The following DNAH5 variants were observed in gnomAD, a reference collection of about 807,000 sequenced individuals.
DNAH5 encodes the protein dynein axonemal heavy chain 5.
Under a neutral mutation model 518.2 loss-of-function variants are expected in DNAH5, and 372 were observed. The ratio of observed to expected loss-of-function variants is 0.72; its 90% CI spans 0.66 to 0.78. The LOEUF (loss-of-function observed/expected upper bound fraction) is 0.78, where lower values mean the gene tolerates loss of function less well. Ranked by LOEUF, DNAH5 falls within the 30% of genes least tolerant of loss-of-function variation. The pLI is 0.00. For missense variants in DNAH5, 5,523 were observed against 5,687.0 expected (o/e 0.97, Z 0.93); for synonymous variants, 2,039 against 2,025.9 (o/e 1.01, Z -0.17).
intron 1 of DNAH5, among the ~76,000 whole-genome samples, chr5:13,972,663 T>C (rs938202415): frequency 6.6e-6 from 1 of 152,134 alleles, no homozygotes; most frequent in Non-Finnish European, 1.5e-5. Context: ...CTCTCACACT[T>C]TGGGCACTCG....
chr5:13,998,370 G>A (rs399566), intron 1 of DNAH5, among the ~76,000 whole-genome samples: 12 of 152,234 alleles, frequency 7.9e-5, no homozygotes, highest in Middle Eastern at 3.4e-3. Flanking sequence ...AAGGCCCCAC[G>A]TCTTAATACT....
intron 49 of DNAH5, 145 bp from the exon 50 acceptor site, chr5:13,792,362 C>T: frequency 1.5e-6 from 1 of 675,172 alleles, no homozygotes; most frequent in Non-Finnish European, 2.5e-6. Flanking sequence ...TGTTAATGTT[C>T]TCTTGTTTTT....
At position 13,928,189 on chromosome 5, in the gene DNAH5, GA is replaced by G. The variant is rs1778077250; in HGVS notation, c.193-12del. 1 of 1,602,650 alleles carries G rather than the reference GA, an allele frequency of 6.2e-7. No homozygotes were observed. The highest frequency in any genetic ancestry group is 8.5e-7 in the Non-Finnish European group (1 of 1,170,194). ...ATCAATTCTTTCAATCTGGGAAAAA[GA>G]AAAAGGCAAGATAATGATTTTCAAT... On this transcript the variant is annotated splice_polypyrimidine_tract_variant and intron_variant, in intron 2 of 78. Coordinates refer to ENST00000265104, the MANE Select transcript of DNAH5 (RefSeq NM_001369.3).
chr5:13,729,899 T>A (rs1746251891), intron 68 of DNAH5, among the ~76,000 whole-genome samples: 1 of 152,222 alleles, frequency 6.6e-6, no homozygotes, highest in Non-Finnish European at 1.5e-5. Flanking sequence ...TGTCACAATG[T>A]ATGCGTGTAA....
At position 13,769,538 on chromosome 5, in the gene DNAH5, TC is replaced by T. The variant is rs748168087; in HGVS notation, c.9682del (p.Glu3228LysfsTer15). ...AALSKELEAK[E>X]KELQVANDKA... is the part of the protein sequence containing the mutation. Reference sequence around the variant, plus strand: ...ATCGTTGGCCACTTGTAGCTCCTTTTCTTTCGCTTCCAGTTCTTTACTCAAG... The same window carrying T: ...ATCGTTGGCCACTTGTAGCTCCTTTTTTTCGCTTCCAGTTCTTTACTCAAG... On this transcript the variant is annotated frameshift_variant, in exon 57 of 79. Coordinates refer to ENST00000265104, the MANE Select transcript of DNAH5 (RefSeq NM_001369.3). LOFTEE classifies it high-confidence loss of function. The T allele has an allele frequency of 3.1e-6, 5 of 1,613,998 alleles. No homozygotes were observed. Among genetic ancestry groups the T allele is most frequent in the Non-Finnish European group, 4.2e-6 (5 of 1,179,962 alleles).
At chr5:13,742,637 T>A (rs937400205) in intron 65 of DNAH5, among the ~76,000 whole-genome samples, 1 of 152,024 alleles carries the variant, frequency 6.6e-6, no homozygotes, top group African/African-American at 2.4e-5. Context: ...AAAGCAAAAA[T>A]AGTAACTAAA....
chr5:13,834,327 G>A (rs1464647214), intron 35 of DNAH5, among the ~76,000 whole-genome samples: 1 of 152,132 alleles, frequency 6.6e-6, no homozygotes, highest in Non-Finnish European at 1.5e-5. Flanking sequence ...ACTGAAAAAG[G>A]ATTTTAATGT....
Position 13,824,220 on chromosome 5 carries a change from C to G in DNAH5, c.6558G>C (p.Arg2186=). ...TTACCAGTTTAGAAAGATTCATGTC[C>G]CGTAGTACACGCATGACAATCGTGG... ...TESTIVMRVL[R]DMNLSKLIDE... is the part of the protein sequence containing the mutation. Residue 2186 remains arginine, a synonymous_variant, in exon 39 of 79, where the codon CGG becomes CGC. Coordinates refer to ENST00000265104, the MANE Select transcript of DNAH5 (RefSeq NM_001369.3). The G allele has an allele frequency of 6.2e-7, 1 of 1,613,992 alleles. No homozygotes were observed. Among genetic ancestry groups the G allele is most frequent in the Non-Finnish European group, 8.5e-7 (1 of 1,179,964 alleles).
intron 59 of DNAH5, among the ~76,000 whole-genome samples, chr5:13,764,971 C>T (rs1285227599): frequency 6.6e-6 from 1 of 152,256 alleles, no homozygotes; most frequent in Non-Finnish European, 1.5e-5. Flanking sequence ...AATGATATCT[C>T]AAACAAAGAT....
intron 1 of DNAH5, among the ~76,000 whole-genome samples, chr5:13,949,788 G>T (rs1439748570): frequency 1.3e-5 from 2 of 152,228 alleles, no homozygotes; most frequent in Non-Finnish European, 2.9e-5. Context: ...GACTGTCTAA[G>T]AAGTATCTCT....
At position 13,770,992 on chromosome 5, in the gene DNAH5, A is replaced by G. The variant is rs1355880312; in HGVS notation, c.9374-12T>C. ...GAAGTGTTCAGACACTAGAGAGAATAAAGATGACAGTGTGTGAAATATGTA... is the reference window on the plus strand; with the variant it reads ...GAAGTGTTCAGACACTAGAGAGAATGAAGATGACAGTGTGTGAAATATGTA... On this transcript the variant is annotated splice_polypyrimidine_tract_variant and intron_variant, in intron 55 of 78. Coordinates refer to ENST00000265104, the MANE Select transcript of DNAH5 (RefSeq NM_001369.3). 6.3e-7 allele frequency: 1 copy of G among 1,584,274 alleles called. No homozygotes were observed. The highest frequency in any genetic ancestry group is 1.1e-5 in the South Asian group (1 of 90,378).
At chr5:13,771,112 CTG>C in intron 55 of DNAH5, 132 bp from the exon 56 acceptor site, 1 of 769,964 alleles carries the variant, frequency 1.3e-6, no homozygotes, top group Non-Finnish European at 2.1e-6. Context: ...CTAGGTAGAT[CTG>C]TGTCAGCATT....
At chr5:13,780,172 G>C (rs1754880672) in intron 53 of DNAH5, among the ~76,000 whole-genome samples, 1 of 152,122 alleles carries the variant, frequency 6.6e-6, no homozygotes, top group Non-Finnish European at 1.5e-5. Flanking sequence ...TCCTCATATT[G>C]AGGTTTCAGT....
At chr5:13,888,317 T>C (rs1460328026) in intron 17 of DNAH5, among the ~76,000 whole-genome samples, 3 of 152,164 alleles carry the variant, frequency 2.0e-5, no homozygotes, top group Non-Finnish European at 4.4e-5. Context: ...TCAACACCTT[T>C]CTCCAGCTAC....
At chr5:13,830,574 A>T (rs952819883) in intron 36 of DNAH5, 23 bp downstream of exon 36, 5 of 1,613,358 alleles carry the variant, frequency 3.1e-6, no homozygotes, top group Middle Eastern at 3.3e-4. Context: ...ATTTCTCACC[A>T]GATTAAAAAA....
rs144832654 is a variant in DNAH5 at position 13,844,478 on chromosome 5, AAAC to A, written c.5271+356_5271+358del. On this transcript the variant is annotated intron_variant, in intron 32 of 78. Coordinates refer to ENST00000265104, the MANE Select transcript of DNAH5 (RefSeq NM_001369.3). ...AATAAAGTATGCCAAAACCAGATTAAAACAATTACATCATGAGGGCAATTCCGT... is the reference window on the plus strand; with the variant it reads ...AATAAAGTATGCCAAAACCAGATTAAAATTACATCATGAGGGCAATTCCGT... Among the ~76,000 whole-genome samples the A allele has an allele frequency of 8.4e-3, 1,284 of 152,356 alleles. 19 individuals are homozygous for A. Among genetic ancestry groups the A allele is most frequent in the African/African-American group, 0.03 (1,228 of 41,576 alleles).
intron 65 of DNAH5, among the ~76,000 whole-genome samples, chr5:13,748,114 A>G (rs1749665466): frequency 6.6e-6 from 1 of 152,210 alleles, no homozygotes; most frequent in African/African-American, 2.4e-5. Context: ...CAGTTTTCCC[A>G]GCACCATTTG....
chr5:13,824,019 G>C (rs1257983257), intron 39 of DNAH5, among the ~76,000 whole-genome samples, 180 bp downstream of exon 39: 1 of 152,126 alleles, frequency 6.6e-6, no homozygotes, highest in Non-Finnish European at 1.5e-5. Context: ...GAGTGGATAG[G>C]AATCATTACC....
intron 68 of DNAH5, among the ~76,000 whole-genome samples, chr5:13,732,051 T>C (rs1579954125): frequency 1.3e-5 from 2 of 151,664 alleles, no homozygotes; most frequent in African/African-American, 4.8e-5. Flanking sequence ...GCCCAGGAGT[T>C]TGAGGTTACA....
Sources: allele counts gnomAD v4.1 joint callset (sites outside exome capture counted in the v4.1 genomes callset), GRCh38; gene constraint gnomAD v4.1.1; transcripts MANE v1.5; gene names NCBI Gene and HGNC (gene_info 2026-07-23, HGNC 2026-07-21).